Variants in MLH3 observed in about 807,000 individuals in gnomAD.
The protein encoded by MLH3 is DNA mismatch repair protein Mlh3.
A neutral mutation model predicts 122.2 loss-of-function variants in MLH3; 82 were observed. That is an observed-to-expected ratio of 0.67 (90% CI 0.56 to 0.81). MLH3 has a LOEUF of 0.81. MLH3 is among the 30% of genes least tolerant of loss of function. The pLI is 0.00. For missense variants in MLH3, 1,539 were observed against 1,714.5 expected (o/e 0.90, Z 1.81); for synonymous variants, 524 against 599.5 (o/e 0.87, Z 1.84).
chr14:75,026,075 G>A (rs765423361), intron 9 of MLH3, among the ~76,000 whole-genome samples: 24 of 152,048 alleles, frequency 1.6e-4, no homozygotes, highest in African/African-American at 4.8e-4. Context: ...GCAATAACCC[G>A]TCAGCTGCTC....
intron 2 of MLH3, 29 bp downstream of exon 2, chr14:75,046,347 T>A: frequency 6.2e-7 from 1 of 1,612,364 alleles, no homozygotes; most frequent in South Asian, 1.1e-5. Flanking sequence ...TTCAAAAGCA[T>A]CTCATGCACA....
intron 7 of MLH3, among the ~76,000 whole-genome samples, chr14:75,033,197 A>G (rs1321999455): frequency 6.6e-6 from 1 of 152,098 alleles, no homozygotes; most frequent in African/African-American, 2.4e-5. Flanking sequence ...AACATCTGGC[A>G]AATATGCCTC....
intron 11 of MLH3, 44 bp downstream of exon 11, chr14:75,022,770 C>T: frequency 1.3e-6 from 2 of 1,562,370 alleles, no homozygotes; most frequent in Non-Finnish European, 1.8e-6. Context: ...TGCCAGGGCT[C>T]TGCATGCAGA....
chr14:75,048,902 A>G lies in MLH3; in HGVS notation c.754T>C (p.Leu252=), dbSNP rs1412498589. The part of the protein sequence containing the change: ...EAHYNKNMQF[L]FVNKRLVLRT... Reference sequence around the variant, plus strand: ...AAAACTAGTCTTTTGTTCACAAACAAAAACTGCATATTCTTGTTGTAATGT... The same window carrying G: ...AAAACTAGTCTTTTGTTCACAAACAGAAACTGCATATTCTTGTTGTAATGT... Residue 252 remains leucine (L), a synonymous_variant, in exon 2 of 13, where the codon TTG becomes CTG. Coordinates refer to ENST00000355774, the MANE Select transcript of MLH3 (RefSeq NM_001040108.2). The G allele has an allele frequency of 1.2e-6, 2 of 1,613,722 alleles. No individual in the cohort carries two copies. Among genetic ancestry groups the G allele is most frequent in the African/African-American group, 2.7e-5 (2 of 74,898 alleles).
Position 75,047,032 on chromosome 14 carries a change from G to C in MLH3, c.2624C>G (p.Ser875Cys), listed in dbSNP as rs760079290. The C allele has an allele frequency of 1.7e-5, 27 of 1,614,046 alleles. No individual in the cohort carries two copies. The Admixed American group carries it at 3.0e-4, about 18-fold the overall frequency. The stretch of plus-strand genomic sequence containing the variant: ...GGAACCCTTCAGTCTGGATAATTTA[G>C]AGGCTAGTGATTCAGATGACTTCTC... ...DLEKSSESLA[S>C]KLSRLKGSER... The change falls in exon 2 of 13, where the codon TCT becomes TGT. Residue 875 changes from serine to cysteine, a missense_variant. By Grantham distance (112) the Ser-to-Cys change is moderately radical. Coordinates refer to ENST00000355774, the MANE Select transcript of MLH3 (RefSeq NM_001040108.2).
chr14:75,045,360 C>T (rs1892137664), intron 2 of MLH3, among the ~76,000 whole-genome samples: 1 of 152,126 alleles, frequency 6.6e-6, no homozygotes, highest in Non-Finnish European at 1.5e-5. Context: ...TATTGTCTTC[C>T]TGAATAACAG....
rs561184221 is a variant in MLH3 at position 75,046,408 on chromosome 14, G to T, written c.3248C>A (p.Thr1083Lys). 1.1e-5 allele frequency: 17 copies of T among 1,614,158 alleles called. No individual in the cohort carries two copies. The African/African-American group carries it at 2.3e-4, about 22-fold the overall frequency. The change falls in exon 2 of 13, where the codon ACA (threonine) becomes AAA (lysine). Residue 1083 changes from threonine to lysine, a missense_variant. Physicochemically the swap from Thr to Lys is moderately conservative, Grantham distance 78 (BLOSUM62 -1). Coordinates refer to ENST00000355774, the MANE Select transcript of MLH3 (RefSeq NM_001040108.2). ...AAGTACAACATCCACAGCCACAGTTGTCAGGTCTTTAGTACAAGCAGCCTG... is the reference window on the plus strand; with the variant it reads ...AAGTACAACATCCACAGCCACAGTTTTCAGGTCTTTAGTACAAGCAGCCTG... Reference protein sequence around the residue: ...DIQAACTKDLTTVAVDVVLEN... With the variant: ...DIQAACTKDLKTVAVDVVLEN...
intron 9 of MLH3, 104 bp from the exon 10 acceptor site, chr14:75,023,122 G>C: frequency 7.7e-7 from 1 of 1,300,476 alleles, no homozygotes; most frequent in African/African-American, 1.5e-5. Context: ...CATGCCTCCT[G>C]AAAGAAAGAG....
rs1198072360 is a variant in MLH3 at position 75,041,683 on chromosome 14, C to T, written c.3397G>A (p.Val1133Ile). The T allele has an allele frequency of 6.2e-7, 1 of 1,613,614 alleles. No homozygotes were observed. The highest frequency in any genetic ancestry group is 1.3e-5 in the African/African-American group (1 of 74,906). The change falls in exon 4 of 13, where the codon GTT becomes ATT. Residue 1133 changes from valine (V) to isoleucine (I), a missense_variant. Physicochemically the swap from Val to Ile is conservative, Grantham distance 29. Transcript: ENST00000355774. ...AAAGACTGAAGCGATTCGCTACTAA[C>T]AGTATCATCCACAGTATCTAGGGCA... ...QDNRDTVDDT[V>I]SSESLQSLFS...
In MLH3 at chr14:75,047,755, C is replaced by T. The variant is rs2139573877; in HGVS notation, c.1901G>A (p.Gly634Asp). ...EHSFKNYVRP[G>D]PTRAQETFGN... ...AAATGTTTCTTGGGCACGTGTGGGA[C>T]CAGGTCTAACATAATTTTTAAATGA... is the stretch of plus-strand genomic sequence containing the variant. The change falls in exon 2 of 13, where the codon GGT becomes GAT. Residue 634 changes from glycine (G) to aspartate (D), a missense_variant. Gly to Asp is a moderately conservative substitution (Grantham distance 94, BLOSUM62 -1). Transcript: ENST00000355774. The T allele has an allele frequency of 6.2e-7, 1 of 1,614,064 alleles. No homozygotes were observed. Among genetic ancestry groups the T allele is most frequent in the Non-Finnish European group, 8.5e-7 (1 of 1,179,986 alleles).
At chr14:75,031,486 A>T (rs1188016371) in intron 8 of MLH3, among the ~76,000 whole-genome samples, 1 of 152,228 alleles carries the variant, frequency 6.6e-6, no homozygotes, top group Non-Finnish European at 1.5e-5. Context: ...ATTATCAGGG[A>T]AACTCTATCC....
At chr14:75,030,083 G>C (rs536849503) in intron 9 of MLH3, among the ~76,000 whole-genome samples, 2 of 152,302 alleles carry the variant, frequency 1.3e-5, no homozygotes, top group South Asian at 4.1e-4. Context: ...GTGCCCAGGA[G>C]ATCAAGGCTA....
At chr14:75,042,509 G>T in intron 2 of MLH3, 32 bp from the exon 3 acceptor site, 1 of 1,527,524 alleles carries the variant, frequency 6.5e-7, no homozygotes, top group South Asian at 1.1e-5. Flanking sequence ...CTAGAAATGT[G>T]AACTTAAAAT....
rs1889918197 is a variant in MLH3 at position 75,016,911 on chromosome 14, AG to A, written c.*170del. 1.4e-6 allele frequency: 1 copy of A among 720,944 alleles called. No individual in the cohort carries two copies. The highest frequency in any genetic ancestry group is 2.4e-6 in the Non-Finnish European group (1 of 408,702). The allele number at this position is 720,944 out of a possible 1,614,324, so 44.7% of individuals were successfully genotyped here. ...TTGAATTTCATCTGGCTACTCAACT[AG>A]GGGAATCATCTGCTCAAGAAAGACT... is the stretch of plus-strand genomic sequence containing the variant. On this transcript the variant is annotated 3_prime_UTR_variant, in exon 13 of 13. Transcript: ENST00000355774.
chr14:75,027,260 C>A (rs1032304895), intron 9 of MLH3, among the ~76,000 whole-genome samples: 1 of 151,318 alleles, frequency 6.6e-6, no homozygotes, highest in African/African-American at 2.4e-5. Context: ...TTATCATTCA[C>A]GGACTTTTTT....
rs1215489414 is a variant in MLH3, at chr14:75,046,632, C to T, written c.3024G>A (p.Pro1008=). The part of the protein sequence containing the change: ...LDSPSGMLMN[P]VEDATGDQNG... ...TTTGGTCACCTGTGGCATCTTCTAC[C>T]GGATTCATTAACATTCCACTGGGAG... The change falls in exon 2 of 13, where the codon CCG becomes CCA. Residue 1008 remains proline (P), a synonymous_variant. Transcript: ENST00000355774. 3.1e-6 allele frequency: 5 copies of T among 1,614,090 alleles called. No individual in the cohort carries two copies. Among genetic ancestry groups the T allele is most frequent in the Admixed American group, 1.7e-5 (1 of 60,006 alleles).
intron 9 of MLH3, among the ~76,000 whole-genome samples, chr14:75,028,824 A>C (rs1595046395): frequency 6.6e-6 from 1 of 151,928 alleles, no homozygotes; most frequent in Non-Finnish European, 1.5e-5. Flanking sequence ...TATATTACAC[A>C]CTGTATTCTT....
chr14:75,038,642 A>T lies in MLH3; in HGVS notation c.3571-230T>A, dbSNP rs565113319. Among the ~76,000 whole-genome samples the T allele has an allele frequency of 4.4e-4, 67 of 152,270 alleles. No homozygotes were observed. In the South Asian group the frequency reaches 0.013, roughly 30 times the overall value. On this transcript the variant is annotated intron_variant, in intron 5 of 12. Coordinates refer to ENST00000355774, the MANE Select transcript of MLH3 (RefSeq NM_001040108.2). ...AAGGGGAGGGAGGCGACAGGGGAAG[A>T]CAGACTCCCACGTCTCAGAGTGGTG...
In MLH3 at chr14:75,049,401, C is replaced by T. The variant is rs1289973066; in HGVS notation, c.255G>A (p.Glu85=). Residue 85 remains glutamate, a synonymous_variant, in exon 2 of 13, where the codon GAG becomes GAA. Coordinates refer to ENST00000355774, the MANE Select transcript of MLH3 (RefSeq NM_001040108.2). ...TSKCHSVQDL[E]NPRFYGFRGE... ...CTCGGAAACCATAAAACCTTGGATT[C>T]TCCAAGTCCTGTACCGAGTGGCATT... 4 of 1,613,936 alleles carry T rather than the reference C, an allele frequency of 2.5e-6. No individual in the cohort carries two copies. The African/African-American group carries it at 5.3e-5, about 22-fold the overall frequency.
Sources: allele counts gnomAD v4.1 joint callset (sites outside exome capture counted in the v4.1 genomes callset), GRCh38; gene constraint gnomAD v4.1.1; transcripts MANE v1.5; gene names NCBI Gene and HGNC (gene_info 2026-07-23, HGNC 2026-07-21).